The following PLEKHA5 variants were observed in gnomAD, a reference collection of about 807,000 sequenced individuals.
PLEKHA5 encodes the protein pleckstrin homology domain containing A5.
PLEKHA5 carries 55 observed loss-of-function variants against 181.9 expected under a neutral mutation model. The observed-to-expected ratio is 0.30, with a 90% CI of 0.24 to 0.38. The LOEUF (loss-of-function observed/expected upper bound fraction) is 0.38. PLEKHA5 is among the 10% of genes least tolerant of loss of function. The pLI is 1.00. For missense variants in PLEKHA5, 1,432 were observed against 1,549.5 expected (o/e 0.92, Z 1.27); for synonymous variants, 535 against 529.4 (o/e 1.01, Z -0.15).
At chr12:19,144,709 A>G (rs1287149296) in intron 3 of PLEKHA5, among the ~76,000 whole-genome samples, 1 of 152,228 alleles carries the variant, frequency 6.6e-6, no homozygotes. Context: ...CTTCTGGATC[A>G]GTGGGAAAGC....
intron 3 of PLEKHA5, among the ~76,000 whole-genome samples, chr12:19,230,727 G>A (rs186163375): frequency 5.9e-5 from 9 of 152,152 alleles, no homozygotes; most frequent in Middle Eastern, 3.4e-3. Context: ...GGTTCCCACC[G>A]GCACCTCTCC....
chr12:19,301,638 ATAT>A (rs1415510776), intron 15 of PLEKHA5, among the ~76,000 whole-genome samples: 3 of 152,238 alleles, frequency 2.0e-5, no homozygotes, highest in African/African-American at 7.2e-5. Flanking sequence ...AAAAGGGGAA[ATAT>A]TATAAAGTCT....
In PLEKHA5 at chr12:19,132,397, G is replaced by A; in HGVS notation, c.174G>A (p.Leu58=). 6.7e-7 allele frequency: 1 copy of A among 1,494,748 alleles called. No individual in the cohort carries two copies. The highest frequency in any genetic ancestry group is 2.3e-5 in the East Asian group (1 of 43,566). 92.6% of individuals were successfully genotyped at this position (1,494,748 alleles called of 1,614,324 possible). ...GTAATATATGTATTGTTTTAGATTTGCCTACTGGCTGGGAAGAAGCATATA... is the reference window on the plus strand; with the variant it reads ...GTAATATATGTATTGTTTTAGATTTACCTACTGGCTGGGAAGAAGCATATA... ...VTGHRRQSTD[L]PTGWEEAYTF... is the part of the protein sequence containing the mutation. The change falls in exon 3 of 32, where the codon TTG becomes TTA. Residue 58 remains leucine, a synonymous_variant. Transcript: ENST00000429027.
rs1200493840 is a variant in PLEKHA5, at chr12:19,289,704, G to GAACCAAA, written c.1864-970_1864-964dup. On this transcript the variant is annotated intron_variant, in intron 13 of 31. Transcript: ENST00000429027. ...CCTTTGGATCACAGTCACCAATCAG[G>GAACCAAA]AACCAAAAAAAGGTTCTCTTCTTTT... Among the ~76,000 whole-genome samples, 5 of 152,014 alleles carry GAACCAAA rather than the reference G, an allele frequency of 3.3e-5. No individual in the cohort carries two copies. The East Asian group carries it at 9.7e-4, about 29-fold the overall frequency.
At chr12:19,307,534 C>T in intron 15 of PLEKHA5, 1 of 318,022 alleles carries the variant, frequency 3.1e-6, no homozygotes, top group Non-Finnish European at 6.3e-6. Context: ...ATTTCGGCTG[C>T]TATAGAACCA....
At chr12:19,367,030 T>G (rs2095441761) in intron 30 of PLEKHA5, among the ~76,000 whole-genome samples, 2 of 151,752 alleles carry the variant, frequency 1.3e-5, no homozygotes, top group Admixed American at 1.3e-4. Flanking sequence ...GGACTACAGG[T>G]GTGTGCCACC....
intron 6 of PLEKHA5, among the ~76,000 whole-genome samples, chr12:19,259,980 T>C (rs931637459): frequency 6.6e-6 from 1 of 152,022 alleles, no homozygotes; most frequent in African/African-American, 2.4e-5. Context: ...TTTTTCTTTT[T>C]TTTTGGTATC....
chr12:19,214,293 CA>C (rs750715103), intron 3 of PLEKHA5, among the ~76,000 whole-genome samples: 2 of 152,132 alleles, frequency 1.3e-5, no homozygotes, highest in Non-Finnish European at 2.9e-5. Context: ...AGATGCGGAC[CA>C]AGAAGCACCT....
At chr12:19,220,456 C>T (rs2058767350) in intron 3 of PLEKHA5, among the ~76,000 whole-genome samples, 1 of 152,048 alleles carries the variant, frequency 6.6e-6, no homozygotes, top group African/African-American at 2.4e-5. Context: ...CGGTTGTGGA[C>T]AAGCTATGTC....
intron 15 of PLEKHA5, chr12:19,307,323 T>C (rs2084301115): frequency 3.1e-6 from 1 of 327,832 alleles, no homozygotes; most frequent in Non-Finnish European, 5.7e-6. Flanking sequence ...AAATTCAAAA[T>C]TAGCCGGGCA....
chr12:19,322,442 T>C (rs769202602), intron 19 of PLEKHA5, 52 bp downstream of exon 19: 1 of 1,569,338 alleles, frequency 6.4e-7, no homozygotes, highest in Non-Finnish European at 8.8e-7. Flanking sequence ...ATATGATTAT[T>C]ATCAGGACAC....
chr12:19,252,555 T>C (rs1244415329), intron 3 of PLEKHA5, among the ~76,000 whole-genome samples: 3 of 152,172 alleles, frequency 2.0e-5, no homozygotes, highest in African/African-American at 7.2e-5. Context: ...CCTAATCTTA[T>C]CATTCAACCT....
chr12:19,232,995 C>T (rs1318870966), intron 3 of PLEKHA5, among the ~76,000 whole-genome samples: 1 of 152,104 alleles, frequency 6.6e-6, no homozygotes, highest in Non-Finnish European at 1.5e-5. Flanking sequence ...TTGAAACCTA[C>T]CTCAGGTAAT....
At chr12:19,177,218 A>G (rs1407426153) in intron 3 of PLEKHA5, among the ~76,000 whole-genome samples, 1 of 152,166 alleles carries the variant, frequency 6.6e-6, no homozygotes, top group African/African-American at 2.4e-5. Context: ...GTCTCTTATC[A>G]GTTTCCAAGA....
chr12:19,242,225 C>CT (rs1031594283), intron 3 of PLEKHA5, among the ~76,000 whole-genome samples: 2 of 103,760 alleles, frequency 1.9e-5, no homozygotes, highest in Non-Finnish European at 5.0e-5. Context: ...TTGTAAATTC[C>CT]TTTTTTTGTT....
Position 19,130,154 on chromosome 12 carries a change from TG to T in PLEKHA5, c.169+27del. 6.7e-7 allele frequency: 1 copy of T among 1,498,522 alleles called. No individual in the cohort carries two copies. The highest frequency in any genetic ancestry group is 2.0e-5 in the Admixed American group (1 of 48,948). The allele number at this position is 1,498,522 out of a possible 1,614,324, so 92.8% of individuals were successfully genotyped here. On this transcript the variant is annotated intron_variant, in intron 2 of 31. Transcript: ENST00000429027. The surrounding 1 kb of genome is among the most constrained non-coding windows in gnomAD (Gnocchi z 4.5). ...AGGTAACGCCGGGCCCAAACGGAGTTGGGCTCCGCCTGGAGGAGGCGGCAGA... is the reference window on the plus strand; with the variant it reads ...AGGTAACGCCGGGCCCAAACGGAGTTGGCTCCGCCTGGAGGAGGCGGCAGA...
Position 19,306,981 on chromosome 12 carries a change from C to T in PLEKHA5, c.2038-7833C>T, listed in dbSNP as rs541719401. On this transcript the variant is annotated intron_variant, in intron 15 of 31. Transcript: ENST00000429027. ...CTCCTAACCCACTTACTCAGACTGG[C>T]GCTGTTCCACCGGCTGCTTTGGGGG... The T allele has an allele frequency of 2.5e-4, 351 of 1,431,064 alleles. No individual in the cohort carries two copies. The African/African-American group carries it at 3.5e-3, about 14-fold the overall frequency. 88.6% of individuals were successfully genotyped at this position (1,431,064 alleles called of 1,614,324 possible).
intron 3 of PLEKHA5, among the ~76,000 whole-genome samples, chr12:19,188,638 G>A (rs1374551004): frequency 6.6e-6 from 1 of 152,164 alleles, no homozygotes; most frequent in Admixed American, 6.5e-5. Flanking sequence ...CATGATGCTT[G>A]TTTACCTTTA....
rs550078465 is a variant in PLEKHA5 at position 19,168,632 on chromosome 12, A to T, written c.227+36182A>T. Among the ~76,000 whole-genome samples, 3 of 152,290 alleles carry T rather than the reference A, an allele frequency of 2.0e-5. No individual in the cohort carries two copies. In the East Asian group the frequency reaches 5.8e-4, roughly 29 times the overall value. ...CTATGCATTCCCCCCTCCCATATAT[A>T]CACCTGCAACATACATATGTGCACA... On this transcript the variant is annotated intron_variant, in intron 3 of 31. Transcript: ENST00000429027.
Sources: allele counts gnomAD v4.1 joint callset (sites outside exome capture counted in the v4.1 genomes callset), GRCh38; gene constraint gnomAD v4.1.1; non-coding constraint Gnocchi (gnomAD v3.1); transcripts MANE v1.5; gene names NCBI Gene and HGNC (gene_info 2026-07-23, HGNC 2026-07-21).